The following COG5 variants were observed in gnomAD, a reference collection of about 807,000 sequenced individuals.
COG5 encodes component of oligomeric golgi complex 5.
COG5 carries 86 observed loss-of-function variants against 110.4 expected under a neutral mutation model. That is an observed-to-expected ratio of 0.78 (90% CI 0.65 to 0.93). COG5 has a LOEUF of 0.93. COG5 is among the 40% of genes least tolerant of loss of function. The pLI is 0.00. For synonymous variants in COG5, 360 were observed against 334.6 expected (o/e 1.08, Z -0.83); for missense variants, 1,077 against 987.0 (o/e 1.09, Z -1.22).
At chr7:107,279,040 T>A (rs2116778755) in intron 14 of COG5, among the ~76,000 whole-genome samples, 1 of 152,254 alleles carries the variant, frequency 6.6e-6, no homozygotes. Flanking sequence ...TCTATCCATC[T>A]GACAAAGGGA....
chr7:107,343,565 C>T (rs1811347272), intron 10 of COG5, among the ~76,000 whole-genome samples: 1 of 152,080 alleles, frequency 6.6e-6, no homozygotes, highest in Non-Finnish European at 1.5e-5. Flanking sequence ...CCTGCAGTCC[C>T]AGCTACTTGG....
chr7:107,393,832 C>G (rs1215632450), intron 7 of COG5, among the ~76,000 whole-genome samples: 1 of 152,174 alleles, frequency 6.6e-6, no homozygotes, highest in African/African-American at 2.4e-5. Context: ...AATCAATATT[C>G]TAAGAATAAC....
At chr7:107,400,889 C>T (rs1049009444) in intron 7 of COG5, among the ~76,000 whole-genome samples, 2 of 151,848 alleles carry the variant, frequency 1.3e-5, no homozygotes, top group Non-Finnish European at 2.9e-5. Context: ...CAAAAGCATA[C>T]AGAAATGCCG....
At chr7:107,484,335 G>C (rs17154129) in intron 6 of COG5, among the ~76,000 whole-genome samples, 2,251 of 152,242 alleles carry the variant, frequency 0.015, 56 homozygotes, top group African/African-American at 0.052. Flanking sequence ...TCTTACAAGA[G>C]GTGAGCCACA....
chr7:107,219,805 A>C (rs1799779848), intron 19 of COG5, among the ~76,000 whole-genome samples: 1 of 152,244 alleles, frequency 6.6e-6, no homozygotes, highest in Admixed American at 6.5e-5. Flanking sequence ...AGTACATTTC[A>C]AAATTGCTAA....
intron 11 of COG5, among the ~76,000 whole-genome samples, chr7:107,315,880 C>A (rs1319490442): frequency 6.6e-6 from 1 of 152,152 alleles, no homozygotes; most frequent in Non-Finnish European, 1.5e-5. Context: ...GCAGGCTATT[C>A]CTAAGGTGAA....
chr7:107,210,189 T>C (rs1307658734), intron 21 of COG5: 1 of 1,149,064 alleles, frequency 8.7e-7, no homozygotes, highest in Non-Finnish European at 1.1e-6. Flanking sequence ...CTGCAGCACA[T>C]AAAAATGAAG....
chr7:107,265,767 T>G (rs1328826452), intron 14 of COG5, among the ~76,000 whole-genome samples: 1 of 152,124 alleles, frequency 6.6e-6, no homozygotes, highest in Non-Finnish European at 1.5e-5. Flanking sequence ...AAATATAGTT[T>G]GTATAGGCTG....
intron 14 of COG5, among the ~76,000 whole-genome samples, chr7:107,278,251 CCTTT>C (rs1804863670): frequency 1.3e-5 from 2 of 151,974 alleles, no homozygotes; most frequent in South Asian, 2.1e-4. Context: ...TCCCTTCCTT[CCTTT>C]CTTCCTTCGT....
intron 1 of COG5, among the ~76,000 whole-genome samples, chr7:107,558,705 T>C (rs1426082931): frequency 1.3e-5 from 2 of 150,690 alleles, no homozygotes; most frequent in African/African-American, 4.9e-5. Context: ...GCTAGCACAG[T>C]GAAACCCCGT....
intron 14 of COG5, among the ~76,000 whole-genome samples, chr7:107,274,516 G>A (rs1230156862): frequency 6.6e-6 from 1 of 152,086 alleles, no homozygotes; most frequent in Admixed American, 6.6e-5. Flanking sequence ...TCTTCACCAT[G>A]AGATCAGGCC....
Position 107,454,542 on chromosome 7 carries a change from C to T in COG5, c.539-41910G>A, listed in dbSNP as rs556081112. Among the ~76,000 whole-genome samples the T allele has an allele frequency of 9.5e-4, 145 of 152,162 alleles. 1 individual carries two copies. Among genetic ancestry groups the T allele is most frequent in the African/African-American group, 3.3e-3 (139 of 41,502 alleles). ...TCATCTATATTTAAAACACCTAATG[C>T]CCTTTGTGTTTCTTAGTATAAGGAT... On this transcript the variant is annotated intron_variant, in intron 6 of 21. Coordinates refer to ENST00000297135, the MANE Select transcript of COG5 (RefSeq NM_006348.5).
intron 11 of COG5, among the ~76,000 whole-genome samples, chr7:107,298,826 A>G (rs1163227056): frequency 6.6e-5 from 10 of 152,194 alleles, no homozygotes. Context: ...GCTTCAAGCC[A>G]TACAAAGCTT....
At chr7:107,547,244 C>A (rs1051029963) in intron 5 of COG5, among the ~76,000 whole-genome samples, 1 of 151,992 alleles carries the variant, frequency 6.6e-6, no homozygotes, top group African/African-American at 2.4e-5. Flanking sequence ...AAATGATATA[C>A]CACACTAACA....
chr7:107,365,518 G>A (rs911241812), intron 8 of COG5, among the ~76,000 whole-genome samples: 4 of 137,132 alleles, frequency 2.9e-5, no homozygotes, highest in African/African-American at 1.1e-4. Context: ...ATTTGCACAA[G>A]CTATCTAAGG....
chr7:107,366,121 C>CCAATTCCAAT (rs1813588966), intron 8 of COG5, among the ~76,000 whole-genome samples: 1 of 152,006 alleles, frequency 6.6e-6, no homozygotes, highest in Non-Finnish European at 1.5e-5. Context: ...TTTCCACTGT[C>CCAATTCCAAT]TCAAATTACT....
chr7:107,260,222 A>G (rs1803225273), intron 14 of COG5, among the ~76,000 whole-genome samples: 1 of 152,182 alleles, frequency 6.6e-6, no homozygotes, highest in Admixed American at 6.5e-5. Flanking sequence ...ATATCCACGC[A>G]ATGGAACATT....
chr7:107,452,244 G>C (rs761911017), intron 6 of COG5, among the ~76,000 whole-genome samples: 1 of 152,144 alleles, frequency 6.6e-6, no homozygotes, highest in Non-Finnish European at 1.5e-5. Context: ...TATTGTCAGA[G>C]TGATCTTTCT....
intron 5 of COG5, among the ~76,000 whole-genome samples, chr7:107,539,516 T>C (rs925829922): frequency 6.6e-6 from 1 of 152,198 alleles, no homozygotes; most frequent in African/African-American, 2.4e-5. Flanking sequence ...TGCAGATTAG[T>C]GCAGATTAGT....
Sources: gnomAD v4.1 joint callset for allele counts (sites outside exome capture counted in the v4.1 genomes callset) on GRCh38, gnomAD v4.1.1 for gene constraint, MANE v1.5 for transcripts, NCBI Gene and HGNC (gene_info 2026-07-23, HGNC 2026-07-21) for gene names.